The following CRACD variants were observed in gnomAD, a reference collection of about 807,000 sequenced individuals.
CRACD encodes the protein capping protein inhibiting regulator of actin dynamics, also known as capping protein-inhibiting regulator of actin dynamics.
A neutral mutation model predicts 106.8 loss-of-function variants in CRACD; 56 were observed. The ratio of observed to expected loss-of-function variants is 0.52; its 90% confidence interval spans 0.42 to 0.66. The LOEUF (loss-of-function observed/expected upper bound fraction) is 0.66, where lower values mean the gene tolerates loss of function less well. CRACD is among the 30% of genes least tolerant of loss of function. CRACD has a pLI of 0.00. For missense variants in CRACD, 1,730 were observed against 1,623.2 expected, an observed-to-expected ratio of 1.07 and a Z score of -1.13; for synonymous variants, 754 against 670.8, an observed-to-expected ratio of 1.12 and a Z score of -1.92.
intron 9 of CRACD, 96 bp from the exon 10 acceptor site, chr4:56,324,006 CAG>C (rs1746272536): frequency 1.5e-6 from 2 of 1,337,646 alleles, no homozygotes; most frequent in South Asian, 1.4e-5. Flanking sequence ...AAGCAGAGGT[CAG>C]GGGCTGGCAG....
chr4:56,072,742 C>T (rs1330129056), intron 1 of CRACD, among the ~76,000 whole-genome samples: 5 of 152,142 alleles, frequency 3.3e-5, no homozygotes, highest in Admixed American at 6.5e-5. Flanking sequence ...TCTCCTAATG[C>T]TCTTCCTCCC....
At chr4:56,167,574 T>A (rs1736199907) in intron 1 of CRACD, among the ~76,000 whole-genome samples, 1 of 152,254 alleles carries the variant, frequency 6.6e-6, no homozygotes, top group Non-Finnish European at 1.5e-5. Flanking sequence ...TTCTATGATT[T>A]GGATCATGTT....
At chr4:56,208,237 G>T (rs143147353) in intron 2 of CRACD, among the ~76,000 whole-genome samples, 18 of 152,210 alleles carry the variant, frequency 1.2e-4, no homozygotes, top group African/African-American at 3.6e-4. Flanking sequence ...ACAGTTCCTA[G>T]AGTCTGGATG....
chr4:56,313,426 T>C (rs1433735184), intron 7 of CRACD, 47 bp downstream of exon 7: 1 of 1,535,136 alleles, frequency 6.5e-7, no homozygotes, highest in South Asian at 1.2e-5. Context: ...CCTTGCCTAC[T>C]GGGCACTAAT....
intron 2 of CRACD, among the ~76,000 whole-genome samples, chr4:56,217,103 A>G (rs1038222590): frequency 5.9e-5 from 9 of 151,916 alleles, no homozygotes; most frequent in Admixed American, 4.6e-4. Context: ...TAAACCTGGA[A>G]TTGATTCCTG....
intron 2 of CRACD, among the ~76,000 whole-genome samples, chr4:56,239,766 G>A (rs1003776943): frequency 3.9e-5 from 6 of 152,192 alleles, no homozygotes; most frequent in Non-Finnish European, 7.4e-5. Flanking sequence ...CAGCTTCCCC[G>A]TGTCCTGGGA....
At chr4:56,055,335 G>A (rs967467399) in intron 1 of CRACD, among the ~76,000 whole-genome samples, 2 of 151,874 alleles carry the variant, frequency 1.3e-5, no homozygotes, top group Admixed American at 6.6e-5. Context: ...AATAATCAGC[G>A]AAAATTCTTG....
At chr4:56,225,632 A>G (rs1399289893) in intron 2 of CRACD, among the ~76,000 whole-genome samples, 1 of 152,078 alleles carries the variant, frequency 6.6e-6, no homozygotes, top group African/African-American at 2.4e-5. Context: ...GGTGCCTAAA[A>G]TCTTATTATA....
chr4:56,100,596 G>A (rs1309404379), intron 1 of CRACD, among the ~76,000 whole-genome samples: 1 of 152,210 alleles, frequency 6.6e-6, no homozygotes, highest in Non-Finnish European at 1.5e-5. Flanking sequence ...CATATTTGGA[G>A]ATAAGGTCTT....
At position 56,234,510 on chromosome 4, in the gene CRACD, T is replaced by C. The variant is rs552123860; in HGVS notation, c.-188-37811T>C. Among the ~76,000 whole-genome samples, 260 of 152,342 alleles carry C rather than the reference T, an allele frequency of 1.7e-3. 1 individual carries two copies. The highest frequency in any genetic ancestry group is 6.0e-3 in the African/African-American group (249 of 41,590). ...TATGTATTTAGGTTGTTCCCACTTA[T>C]TAACAATGATAGATAACACTGCTGT... On this transcript the variant is annotated intron_variant, in intron 2 of 10. Coordinates refer to ENST00000682029, the MANE Select transcript of CRACD (RefSeq NM_001393381.1).
intron 2 of CRACD, among the ~76,000 whole-genome samples, chr4:56,190,967 A>C (rs551615350): frequency 6.6e-6 from 1 of 152,142 alleles, no homozygotes; most frequent in South Asian, 2.1e-4. Flanking sequence ...ATCTCTCACT[A>C]GATACATGAG....
At chr4:56,205,209 G>GCC (rs71666120) in intron 2 of CRACD, among the ~76,000 whole-genome samples, 236 of 151,316 alleles carry the variant, frequency 1.6e-3, no homozygotes, top group African/African-American at 5.3e-3. Flanking sequence ...GCTTTCCCAT[G>GCC]CCCCCCCCGC....
intron 1 of CRACD, among the ~76,000 whole-genome samples, chr4:56,123,405 A>T (rs1262195410): frequency 6.6e-6 from 1 of 152,192 alleles, no homozygotes; most frequent in Non-Finnish European, 1.5e-5. Context: ...CTGTATCCTT[A>T]TAAGGCAGGG....
At chr4:56,308,497 A>C (rs1169693333) in intron 5 of CRACD, among the ~76,000 whole-genome samples, 16 of 152,096 alleles carry the variant, frequency 1.1e-4, no homozygotes, top group East Asian at 1.9e-4. Flanking sequence ...ACAAACAAAA[A>C]AAAAACCCAT....
At chr4:56,113,552 A>G (rs1467912151) in intron 1 of CRACD, among the ~76,000 whole-genome samples, 1 of 114,788 alleles carries the variant, frequency 8.7e-6, no homozygotes, top group African/African-American at 4.4e-5. Flanking sequence ...TTTTAAATGT[A>G]TTTTTAGAGG....
At chr4:56,261,107 G>A (rs1577820473) in intron 2 of CRACD, among the ~76,000 whole-genome samples, 1 of 152,176 alleles carries the variant, frequency 6.6e-6, no homozygotes, top group East Asian at 1.9e-4. Flanking sequence ...CCTTTGTGTA[G>A]GGGTATCCTT....
intron 8 of CRACD, among the ~76,000 whole-genome samples, chr4:56,317,805 A>T (rs1745780610): frequency 6.6e-6 from 1 of 150,566 alleles, no homozygotes; most frequent in Non-Finnish European, 1.5e-5. Context: ...CCTACAAAGA[A>T]ATTTTGGAGC....
chr4:56,182,906 G>C (rs1455940820), intron 2 of CRACD, among the ~76,000 whole-genome samples: 1 of 110,558 alleles, frequency 9.0e-6, no homozygotes, highest in Non-Finnish European at 1.7e-5. Context: ...TGTGTGTATG[G>C]CTCCCTGATT....
intron 2 of CRACD, among the ~76,000 whole-genome samples, chr4:56,183,541 T>G (rs1736946971): frequency 6.6e-6 from 1 of 152,168 alleles, no homozygotes; most frequent in Non-Finnish European, 1.5e-5. Context: ...CATCCTGAGT[T>G]AGGCTGAAGG....
Sources: gnomAD v4.1 joint callset for allele counts (sites outside exome capture counted in the v4.1 genomes callset) on GRCh38, gnomAD v4.1.1 for gene constraint, MANE v1.5 for transcripts, NCBI Gene and HGNC (gene_info 2026-07-23, HGNC 2026-07-21) for gene names.